The following MAPK8 variants were observed in gnomAD, a reference collection of about 807,000 sequenced individuals.
MAPK8 encodes JUN N-terminal kinase.
In MAPK8, 13 loss-of-function variants were observed where a neutral mutation model predicts 52.9. The observed-to-expected ratio is 0.25, with a 90% CI of 0.16 to 0.39. MAPK8 has a LOEUF of 0.39. Ranked by LOEUF, MAPK8 falls within the 10% of genes least tolerant of loss-of-function variation. MAPK8 has a pLI of 1.00. For synonymous variants in MAPK8, 191 were observed against 169.8 expected (o/e 1.12, Z -0.97); for missense variants, 300 against 519.2 (o/e 0.58, Z 4.10).
chr10:48,374,216 A>T (rs1160941832), intron 1 of MAPK8, among the ~76,000 whole-genome samples: 1 of 152,216 alleles, frequency 6.6e-6, no homozygotes. Flanking sequence ...GACACAATGT[A>T]GGAGAATCTC....
At chr10:48,339,680 AT>A (rs1845044368) in intron 1 of MAPK8, among the ~76,000 whole-genome samples, 1 of 152,214 alleles carries the variant, frequency 6.6e-6, no homozygotes, top group Non-Finnish European at 1.5e-5. Flanking sequence ...TAAAGGACTG[AT>A]ATCCATAATA....
At chr10:48,321,778 C>G (rs969905607) in intron 1 of MAPK8, among the ~76,000 whole-genome samples, 2 of 152,016 alleles carry the variant, frequency 1.3e-5, no homozygotes, top group Non-Finnish European at 1.5e-5. Context: ...TTCTTTCTTA[C>G]CAAATTGTCT....
At chr10:48,326,597 A>G (rs74987944) in intron 1 of MAPK8, among the ~76,000 whole-genome samples, 1 of 152,342 alleles carries the variant, frequency 6.6e-6, no homozygotes, top group East Asian at 1.9e-4. Context: ...GCAAATAAAT[A>G]TATTCATATA....
intron 2 of MAPK8, among the ~76,000 whole-genome samples, chr10:48,404,102 G>A (rs775609417): frequency 1.4e-5 from 2 of 147,826 alleles, no homozygotes; most frequent in Admixed American, 6.8e-5. Flanking sequence ...TTATTTTATT[G>A]TGTCCAAAAG....
At chr10:48,426,701 T>G in intron 9 of MAPK8, 197 bp downstream of exon 9, 4 of 559,742 alleles carry the variant, frequency 7.1e-6, no homozygotes, top group Non-Finnish European at 9.0e-6. Flanking sequence ...TAAAGTTACC[T>G]CCCACTGTTT....
chr10:48,410,536 A>T (rs1232699154), intron 5 of MAPK8, among the ~76,000 whole-genome samples: 1 of 152,112 alleles, frequency 6.6e-6, no homozygotes, highest in Non-Finnish European at 1.5e-5. Context: ...TCATCCATTC[A>T]TCCATCGATG....
intron 1 of MAPK8, among the ~76,000 whole-genome samples, chr10:48,344,048 A>G (rs192535040): frequency 1.8e-4 from 27 of 152,272 alleles, no homozygotes; most frequent in African/African-American, 6.0e-4. Flanking sequence ...TTTTTGGTGT[A>G]CCTCCACTCT....
intron 1 of MAPK8, among the ~76,000 whole-genome samples, chr10:48,371,441 T>C (rs1848518098): frequency 6.6e-6 from 1 of 152,106 alleles, no homozygotes; most frequent in Non-Finnish European, 1.5e-5. Flanking sequence ...ATTAAGTCAT[T>C]TGACAGTATT....
intron 1 of MAPK8, among the ~76,000 whole-genome samples, chr10:48,327,360 T>A (rs1188061916): frequency 3.3e-5 from 5 of 152,248 alleles, no homozygotes; most frequent in Non-Finnish European, 7.3e-5. Flanking sequence ...TTATCTTCAT[T>A]AGCCTGTTGA....
At chr10:48,420,048 CG>C in intron 5 of MAPK8, 106 bp from the exon 6 acceptor site, 3 of 817,008 alleles carry the variant, frequency 3.7e-6, no homozygotes, top group Non-Finnish European at 5.6e-6. Flanking sequence ...GTGAGAAAAA[CG>C]AACAATTAAC....
chr10:48,307,311 C>T (rs951878150), intron 1 of MAPK8, among the ~76,000 whole-genome samples: 1 of 152,206 alleles, frequency 6.6e-6, no homozygotes, highest in Non-Finnish European at 1.5e-5. Flanking sequence ...TTTTGCTTCT[C>T]GATGCTTTCT....
chr10:48,311,919 T>C (rs1194705956), intron 1 of MAPK8, among the ~76,000 whole-genome samples: 1 of 152,206 alleles, frequency 6.6e-6, no homozygotes, highest in East Asian at 1.9e-4. Context: ...AATCCAGGTA[T>C]TCGGTGATGT....
chr10:48,313,944 G>A (rs1842241098), intron 1 of MAPK8, among the ~76,000 whole-genome samples: 1 of 152,152 alleles, frequency 6.6e-6, no homozygotes, highest in Non-Finnish European at 1.5e-5. Context: ...TTACGGGTGT[G>A]AGCCACCGCA....
At chr10:48,372,337 T>C (rs1297376766) in intron 1 of MAPK8, among the ~76,000 whole-genome samples, 1 of 152,010 alleles carries the variant, frequency 6.6e-6, no homozygotes, top group Non-Finnish European at 1.5e-5. Flanking sequence ...TCACAACTCC[T>C]CACCAGCAAG....
chr10:48,385,487 T>A (rs2041257710), intron 1 of MAPK8, among the ~76,000 whole-genome samples: 1 of 152,196 alleles, frequency 6.6e-6, no homozygotes, highest in Non-Finnish European at 1.5e-5. Flanking sequence ...AAATCGTAAA[T>A]CCCTTTTGTA....
chr10:48,309,775 T>A (rs1841791910), intron 1 of MAPK8, among the ~76,000 whole-genome samples: 1 of 152,192 alleles, frequency 6.6e-6, no homozygotes, highest in Non-Finnish European at 1.5e-5. Context: ...GATGCTTTGT[T>A]GCACGAGTGG....
At chr10:48,422,486 C>T (rs1297071486) in intron 6 of MAPK8, among the ~76,000 whole-genome samples, 1 of 152,176 alleles carries the variant, frequency 6.6e-6, no homozygotes, top group Non-Finnish European at 1.5e-5. Context: ...GACTTATGTT[C>T]CTAGTCTTCA....
At chr10:48,411,718 AC>A (rs1188674408) in intron 5 of MAPK8, among the ~76,000 whole-genome samples, 3 of 152,158 alleles carry the variant, frequency 2.0e-5, no homozygotes, top group African/African-American at 7.2e-5. Flanking sequence ...TGCCATCGTA[AC>A]AATATTTAGT....
At chr10:48,311,362 T>C (rs1342619368) in intron 1 of MAPK8, among the ~76,000 whole-genome samples, 1 of 152,216 alleles carries the variant, frequency 6.6e-6, no homozygotes, top group African/African-American at 2.4e-5. Flanking sequence ...GTAATCTGAA[T>C]TGACTGAGAT....
Sources: allele counts gnomAD v4.1 joint callset (sites outside exome capture counted in the v4.1 genomes callset), GRCh38; gene constraint gnomAD v4.1.1; transcripts MANE v1.5; gene names NCBI Gene and HGNC (gene_info 2026-07-23, HGNC 2026-07-21).